LAMA3: variants seen among roughly 807,000 people sequenced by gnomAD.
LAMA3 encodes the protein laminin subunit alpha 3.
In LAMA3, 281 loss-of-function variants were observed where a neutral mutation model predicts 402.0. The observed-to-expected ratio is 0.70, with a 90% CI of 0.63 to 0.77. The LOEUF (loss-of-function observed/expected upper bound fraction) is 0.77, where lower values mean the gene tolerates loss of function less well. LAMA3 is among the 30% of genes least tolerant of loss of function. The probability of loss-of-function intolerance (pLI) is 0.00; values close to 1 mark genes in which losing one functional copy is unlikely to be tolerated. For missense variants in LAMA3, 3,840 were observed against 4,215.5 expected, an observed-to-expected ratio of 0.91 and a Z score of 2.47; for synonymous variants, 1,431 against 1,558.4, an observed-to-expected ratio of 0.92 and a Z score of 1.93.
chr18:23,899,664 G>T, intron 47 of LAMA3: 1 of 492,978 alleles, frequency 2.0e-6, no homozygotes, highest in Non-Finnish European at 3.6e-6. Flanking sequence ...TTACCATCAT[G>T]CAAAGAAAAA....
rs1333099556 is a variant in LAMA3 at position 23,914,639 on chromosome 18, T to G, written c.7482-59T>G. 10 of 1,600,720 alleles carry G rather than the reference T, an allele frequency of 6.2e-6. No individual in the cohort carries two copies. The African/African-American group carries it at 1.3e-4, about 21-fold the overall frequency. ...TTGCTGAACCCCATTTTTAGTGGCT[T>G]GGCTTTGAATTCTTCAAATTTTTTG... On this transcript the variant is annotated intron_variant, in intron 57 of 74. Coordinates refer to ENST00000313654, the MANE Select transcript of LAMA3 (RefSeq NM_198129.4).
intron 1 of LAMA3, among the ~76,000 whole-genome samples, chr18:23,705,239 C>T (rs982217324): frequency 6.6e-6 from 1 of 152,016 alleles, no homozygotes; most frequent in African/African-American, 2.4e-5. Context: ...TTCTCTGTTC[C>T]TTTTCTTCTC....
chr18:23,722,158 G>A (rs1330132044), intron 2 of LAMA3, among the ~76,000 whole-genome samples: 1 of 152,168 alleles, frequency 6.6e-6, no homozygotes, highest in East Asian at 1.9e-4. Context: ...GATATTCCAT[G>A]ATGTTCCCTG....
intron 2 of LAMA3, among the ~76,000 whole-genome samples, chr18:23,740,336 T>TC (rs1208470883): frequency 6.6e-6 from 1 of 152,126 alleles, no homozygotes; most frequent in African/African-American, 2.4e-5. Context: ...TTCTCTTTCC[T>TC]CCCCTAGAGT....
intron 56 of LAMA3, 132 bp from the exon 57 acceptor site, chr18:23,914,278 C>G: frequency 1.2e-6 from 1 of 867,072 alleles, no homozygotes; most frequent in Non-Finnish European, 1.9e-6. Context: ...AATATTGCAC[C>G]TTGTTTATTC....
At chr18:23,706,311 G>A (rs1010051335) in intron 1 of LAMA3, among the ~76,000 whole-genome samples, 1 of 152,242 alleles carries the variant, frequency 6.6e-6, no homozygotes, top group Admixed American at 6.5e-5. Flanking sequence ...CATCAAATTT[G>A]TGCAAGAGTT....
At chr18:23,803,827 C>A (rs1484425616) in intron 12 of LAMA3, among the ~76,000 whole-genome samples, 1 of 152,172 alleles carries the variant, frequency 6.6e-6, no homozygotes, top group Non-Finnish European at 1.5e-5. Flanking sequence ...CTAAAACAGG[C>A]CTAAGTTTTC....
chr18:23,911,761 A>T (rs1467387155), intron 55 of LAMA3, among the ~76,000 whole-genome samples: 1 of 147,634 alleles, frequency 6.8e-6, no homozygotes, highest in Non-Finnish European at 1.5e-5. Context: ...AAAATATTTT[A>T]ATATATAAGT....
intron 73 of LAMA3, 146 bp downstream of exon 73, chr18:23,951,923 C>T (rs2145575385): frequency 1.5e-6 from 1 of 684,052 alleles, no homozygotes; most frequent in South Asian, 1.6e-5. Context: ...CATTCACAAC[C>T]CCAGCCATGC....
At chr18:23,935,134 C>G (rs760666858) in intron 67 of LAMA3, among the ~76,000 whole-genome samples, 9 of 152,136 alleles carry the variant, frequency 5.9e-5, no homozygotes, top group Non-Finnish European at 5.9e-5. Context: ...AATCTATTTA[C>G]AGGATAGAAT....
Position 23,912,897 on chromosome 18 carries a change from A to T in LAMA3, c.7329+16A>T. ...AAATAAAGATGTAAGTATTGCTTGG[A>T]CATCTCTCTTGTTTTTGAAACAATG... On this transcript the variant is annotated intron_variant, in intron 56 of 74. Transcript: ENST00000313654. The T allele has an allele frequency of 6.2e-7, 1 of 1,608,714 alleles. No homozygotes were observed. The highest frequency in any genetic ancestry group is 1.1e-5 in the South Asian group (1 of 90,978).
At chr18:23,912,579 A>T in intron 55 of LAMA3, 132 bp from the exon 56 acceptor site, 1 of 756,054 alleles carries the variant, frequency 1.3e-6, no homozygotes, top group East Asian at 2.5e-5. Context: ...AGAGACATTC[A>T]CATTCCCTTG....
intron 12 of LAMA3, among the ~76,000 whole-genome samples, chr18:23,801,202 C>T (rs530338858): frequency 5.5e-4 from 83 of 152,212 alleles, no homozygotes; most frequent in African/African-American, 1.9e-3. Flanking sequence ...AACCAAATAC[C>T]GTATGTTCTC....
At chr18:23,775,685 A>T in intron 9 of LAMA3, 107 bp from the exon 10 acceptor site, 1 of 1,292,058 alleles carries the variant, frequency 7.7e-7, no homozygotes, top group Non-Finnish European at 1.1e-6. Flanking sequence ...AAGAATACCT[A>T]TAGACCAAGG....
At position 23,922,692 on chromosome 18, in the gene LAMA3, A is replaced by G. The variant is rs78652958; in HGVS notation, c.8177+1107A>G. ...TTAATATTATCAATATCAAATAGCA[A>G]TTCAGCCATGAATAGCCAGTTATGA... On this transcript the variant is annotated intron_variant, in intron 62 of 74. Transcript: ENST00000313654. 5.3e-5 allele frequency among the ~76,000 whole-genome samples: 8 copies of G among 152,352 alleles called. No individual in the cohort carries two copies. The East Asian group carries it at 1.5e-3, about 29-fold the overall frequency.
At chr18:23,886,819 C>G (rs2065087963) in intron 41 of LAMA3, among the ~76,000 whole-genome samples, 1 of 152,086 alleles carries the variant, frequency 6.6e-6, no homozygotes, top group South Asian at 2.1e-4. Context: ...TTTGGTAGGT[C>G]CAAGGGGTTA....
chr18:23,928,074 G>A (rs1287736888), intron 62 of LAMA3, 49 bp from the exon 63 acceptor site: 12 of 1,305,314 alleles, frequency 9.2e-6, no homozygotes, highest in African/African-American at 7.2e-5. Flanking sequence ...CTGATTTCAC[G>A]TGAGCCTGAC....
intron 12 of LAMA3, among the ~76,000 whole-genome samples, chr18:23,803,756 G>A (rs879771056): frequency 3.9e-5 from 6 of 152,200 alleles, no homozygotes; most frequent in African/African-American, 9.6e-5. Context: ...TCCCAGAAAG[G>A]CACAAATGTG....
chr18:23,893,863 A>G (rs1453538733), intron 42 of LAMA3, among the ~76,000 whole-genome samples: 1 of 152,252 alleles, frequency 6.6e-6, no homozygotes, highest in Non-Finnish European at 1.5e-5. Context: ...GAATGATGCC[A>G]GAAGCAGCAT....
Sources: allele counts gnomAD v4.1 joint callset (sites outside exome capture counted in the v4.1 genomes callset), GRCh38; gene constraint gnomAD v4.1.1; transcripts MANE v1.5; gene names NCBI Gene and HGNC (gene_info 2026-07-23, HGNC 2026-07-21).